MMP16: variants seen among roughly 807,000 people sequenced by gnomAD.
MMP16 encodes matrix metalloproteinase-16.
A neutral mutation model predicts 67.8 loss-of-function variants in MMP16; 12 were observed. The ratio of observed to expected loss-of-function variants is 0.18; its 90% CI spans 0.11 to 0.29. The LOEUF (loss-of-function observed/expected upper bound fraction) is 0.29. Among genes scored for constraint, MMP16 ranks in the 10% least tolerant of loss-of-function variants. MMP16 has a pLI of 1.00. For missense variants in MMP16, 475 were observed against 765.7 expected (o/e 0.62, Z 4.48); for synonymous variants, 249 against 255.9 (o/e 0.97, Z 0.26).
intron 1 of MMP16, among the ~76,000 whole-genome samples, chr8:88,245,118 C>T (rs1318868930): frequency 6.6e-6 from 1 of 152,150 alleles, no homozygotes; most frequent in Non-Finnish European, 1.5e-5. Context: ...TTTCTTCTCT[C>T]AACCCTGAAT....
In MMP16 at chr8:88,225,535, T is replaced by C. The variant is rs1256609884; in HGVS notation, c.133-28229A>G. Among the ~76,000 whole-genome samples the C allele has an allele frequency of 3.3e-5, 5 of 152,020 alleles. No homozygotes were observed. In the East Asian group the frequency reaches 9.7e-4, roughly 30 times the overall value. On this transcript the variant is annotated intron_variant, in intron 1 of 9. Transcript: ENST00000286614. ...AGTATACAGAAATACATATTATTCA[T>C]TGAATAAAAAATACAAGAAAATTAA...
At chr8:88,078,373 AGTGTACACCATG>A (rs1261597923) in intron 6 of MMP16, among the ~76,000 whole-genome samples, 4 of 152,304 alleles carry the variant, frequency 2.6e-5, no homozygotes, top group Admixed American at 1.3e-4. Context: ...AAATTCACAT[AGTGTACACCATG>A]GAGCAGTAAC....
intron 6 of MMP16, among the ~76,000 whole-genome samples, chr8:88,114,177 G>A (rs758419991): frequency 4.6e-5 from 7 of 151,794 alleles, no homozygotes; most frequent in Non-Finnish European, 7.4e-5. Context: ...TATTAGCTAA[G>A]AGCCAGATAT....
chr8:88,128,675 G>A (rs1807975918), intron 4 of MMP16, among the ~76,000 whole-genome samples: 1 of 151,718 alleles, frequency 6.6e-6, no homozygotes, highest in African/African-American at 2.4e-5. Context: ...GGGAAGGGAG[G>A]AGCCTTATTT....
chr8:88,054,226 T>A (rs531719027), intron 8 of MMP16, among the ~76,000 whole-genome samples: 33 of 152,178 alleles, frequency 2.2e-4, no homozygotes, highest in Non-Finnish European at 1.6e-4. Context: ...AGCTTCCATT[T>A]TCTGTCCCCT....
chr8:88,230,166 G>C (rs550994028), intron 1 of MMP16, among the ~76,000 whole-genome samples: 17 of 152,146 alleles, frequency 1.1e-4, no homozygotes, highest in African/African-American at 3.9e-4. Flanking sequence ...AATCAACAGA[G>C]ACAGGACATT....
chr8:88,087,769 T>C (rs1323423129), intron 6 of MMP16, among the ~76,000 whole-genome samples: 1 of 151,176 alleles, frequency 6.6e-6, no homozygotes, highest in East Asian at 2.0e-4. Context: ...CATAGTGAGA[T>C]CCTGTCTCTA....
At chr8:88,293,821 C>T (rs1357325908) in intron 1 of MMP16, among the ~76,000 whole-genome samples, 1 of 152,118 alleles carries the variant, frequency 6.6e-6, no homozygotes, top group Admixed American at 6.5e-5. Flanking sequence ...ATCTCAATCT[C>T]TCTTCTTTAC....
At chr8:88,252,540 A>C (rs1300610480) in intron 1 of MMP16, among the ~76,000 whole-genome samples, 2 of 152,136 alleles carry the variant, frequency 1.3e-5, no homozygotes, top group East Asian at 3.9e-4. Context: ...ATAAAAAAGG[A>C]GTATATAAGG....
At chr8:88,317,137 T>G in intron 1 of MMP16, among the ~76,000 whole-genome samples, 1 of 152,216 alleles carries the variant, frequency 6.6e-6, no homozygotes, top group East Asian at 1.9e-4. Context: ...ATAAACGTAG[T>G]TGATAAAGCA....
intron 1 of MMP16, among the ~76,000 whole-genome samples, chr8:88,293,093 A>G (rs1252339597): frequency 6.6e-6 from 1 of 152,214 alleles, no homozygotes. Context: ...AGTAAATGAC[A>G]CACCACAATT....
At chr8:88,223,106 T>C (rs1024687364) in intron 1 of MMP16, among the ~76,000 whole-genome samples, 1 of 152,194 alleles carries the variant, frequency 6.6e-6, no homozygotes, top group Non-Finnish European at 1.5e-5. Flanking sequence ...TCATCATCAC[T>C]GGTCATCAGA....
chr8:88,268,495 T>A (rs1440963146), intron 1 of MMP16, among the ~76,000 whole-genome samples: 1 of 152,206 alleles, frequency 6.6e-6, no homozygotes. Context: ...TTCCATACTT[T>A]TTTCCCAGAC....
intron 3 of MMP16, among the ~76,000 whole-genome samples, chr8:88,179,440 G>C (rs1365139364): frequency 6.7e-6 from 1 of 148,220 alleles, no homozygotes; most frequent in Non-Finnish European, 1.5e-5. Context: ...GAATTGCCTT[G>C]CAAAAAAAAA....
intron 5 of MMP16, 33 bp downstream of exon 5, chr8:88,118,667 C>T (rs777503715): frequency 2.5e-5 from 40 of 1,588,444 alleles, no homozygotes; most frequent in Middle Eastern, 1.7e-4. Flanking sequence ...ACTTCACTAT[C>T]GGATTAAGCA....
Position 88,039,255 on chromosome 8 carries a change from T to C in MMP16, c.*2206A>G, listed in dbSNP as rs1202953719. ...ATTCAAGTATTTGAGGTTTTTTTTT[T>C]CCTATAGTTTTTGTAATTTGTACTA... On this transcript the variant is annotated 3_prime_UTR_variant, in exon 10 of 10. Transcript: ENST00000286614. This position sits in a 1 kb window ranked among gnomAD's most constrained non-coding sequence, Gnocchi z 4.5. The C allele has an allele frequency of 1.3e-5, 2 of 152,444 alleles. No homozygotes were observed. The highest frequency in any genetic ancestry group is 2.4e-5 in the African/African-American group (1 of 41,410). The allele number at this position is 152,444 out of a possible 1,614,324, so 9.4% of individuals were successfully genotyped here.
At chr8:88,278,390 G>A (rs902499614) in intron 1 of MMP16, among the ~76,000 whole-genome samples, 19 of 152,098 alleles carry the variant, frequency 1.2e-4, no homozygotes, top group Admixed American at 9.2e-4. Context: ...TTGTAATACC[G>A]GTGCTGCAAT....
intron 1 of MMP16, among the ~76,000 whole-genome samples, chr8:88,326,179 T>C (rs1352584868): frequency 6.6e-6 from 1 of 152,256 alleles, no homozygotes. Flanking sequence ...GTATATGTGA[T>C]AAAGTTGTGT....
At chr8:88,123,493 C>G (rs1807875768) in intron 4 of MMP16, among the ~76,000 whole-genome samples, 1 of 151,810 alleles carries the variant, frequency 6.6e-6, no homozygotes, top group Non-Finnish European at 1.5e-5. Context: ...GAGGGCCACT[C>G]TCTTGGTGGT....
Sources: allele counts gnomAD v4.1 joint callset (sites outside exome capture counted in the v4.1 genomes callset), GRCh38; gene constraint gnomAD v4.1.1; non-coding constraint Gnocchi (gnomAD v3.1); transcripts MANE v1.5; gene names NCBI Gene and HGNC (gene_info 2026-07-23, HGNC 2026-07-21).